Variants in PPCDC observed in about 807,000 individuals in gnomAD.
PPCDC encodes phosphopantothenoylcysteine decarboxylase.
In PPCDC, 20 loss-of-function variants were observed where a neutral mutation model predicts 20.7. The observed-to-expected ratio is 0.97, with a 90% confidence interval of 0.68 to 1.41. The LOEUF (loss-of-function observed/expected upper bound fraction) is 1.41. PPCDC is among the 40% of genes most tolerant of loss of function. The pLI, the probability that PPCDC is intolerant of heterozygous loss-of-function variation, is 0.00. For synonymous variants in PPCDC, 88 were observed against 100.3 expected (o/e 0.88, Z 0.73); for missense variants, 246 against 263.8 (o/e 0.93, Z 0.47).
chr15:75,043,876 C>A (rs967293582), intron 3 of PPCDC: 6 of 347,028 alleles, frequency 1.7e-5, no homozygotes, highest in Non-Finnish European at 3.2e-5. Context: ...GAACGCCTCA[C>A]TTCCCACGGC....
At chr15:75,030,339 G>C (rs144226354) in intron 2 of PPCDC, among the ~76,000 whole-genome samples, 1 of 152,222 alleles carries the variant, frequency 6.6e-6, no homozygotes, top group East Asian at 1.9e-4. Context: ...ACTCGGTTGT[G>C]TGTGTTTCCT....
chr15:75,041,011 C>T (rs1223156963), intron 2 of PPCDC, among the ~76,000 whole-genome samples: 1 of 152,154 alleles, frequency 6.6e-6, no homozygotes, highest in Non-Finnish European at 1.5e-5. Flanking sequence ...TTCTTTTTCT[C>T]CTTTCGTATC....
intron 2 of PPCDC, among the ~76,000 whole-genome samples, chr15:75,042,811 G>A (rs1044915815): frequency 1.8e-4 from 28 of 152,190 alleles, no homozygotes; most frequent in Admixed American, 1.7e-3. Context: ...AATGGGTAGT[G>A]TACACCAGGT....
At chr15:75,046,536 G>A (rs1041963236) in intron 4 of PPCDC, among the ~76,000 whole-genome samples, 1 of 152,254 alleles carries the variant, frequency 6.6e-6, no homozygotes, top group African/African-American at 2.4e-5. Flanking sequence ...CTCCAGAGTT[G>A]GCTGGGAAGT....
Position 75,049,143 on chromosome 15 carries a change from C to T in PPCDC, c.530-7C>T, listed in dbSNP as rs755046322. 2 of 1,613,826 alleles carry T rather than the reference C, an allele frequency of 1.2e-6. No individual in the cohort carries two copies. Among genetic ancestry groups the T allele is most frequent in the South Asian group, 2.2e-5 (2 of 91,074 alleles). ...CCTGTCTGGCCACAGCGGAATTTTG[C>T]TCCCAGGTCTCGGGGCCATGGCTGA... On this transcript the variant is annotated splice_region_variant and splice_polypyrimidine_tract_variant and intron_variant, in intron 5 of 5. Transcript: ENST00000342932.
chr15:75,045,406 C>T (rs1307182625), intron 4 of PPCDC, among the ~76,000 whole-genome samples: 2 of 152,224 alleles, frequency 1.3e-5, no homozygotes, highest in Non-Finnish European at 1.5e-5. Flanking sequence ...TCTATGGAGT[C>T]ACCACCTTGC....
chr15:75,044,397 C>T lies in PPCDC; in HGVS notation c.243C>T (p.Ser81=). 1.2e-6 allele frequency: 2 copies of T among 1,613,964 alleles called. No individual in the cohort carries two copies. Among genetic ancestry groups the T allele is most frequent in the Non-Finnish European group, 1.7e-6 (2 of 1,179,934 alleles). The change falls in exon 4 of 6, where the codon AGC becomes AGT. Residue 81 remains serine, a synonymous_variant. Transcript: ENST00000342932. ...SDADEWEIWK[S]RSDPVLHIDL... ...CTTCCCTCTGCCAGATATGGAAGAGCCGCTCTGACCCAGTTCTGCACATTG... is the reference window on the plus strand; with the variant it reads ...CTTCCCTCTGCCAGATATGGAAGAGTCGCTCTGACCCAGTTCTGCACATTG...
intron 2 of PPCDC, among the ~76,000 whole-genome samples, chr15:75,033,590 TG>T (rs2066050922): frequency 6.6e-6 from 1 of 152,080 alleles, no homozygotes; most frequent in Non-Finnish European, 1.5e-5. Flanking sequence ...TTGATAAGTT[TG>T]TGCTTTTTTT....
Position 75,049,113 on chromosome 15 carries a change from G to A in PPCDC, c.530-37G>A, listed in dbSNP as rs138736421. On this transcript the variant is annotated intron_variant, in intron 5 of 5. Transcript: ENST00000342932. ...AGGGGTCTGCAGGGCTACAGGCACT[G>A]TTGGCCTGTCTGGCCACAGCGGAAT... 4.3e-4 allele frequency: 675 copies of A among 1,569,792 alleles called. 6 individuals carry two copies. The East Asian group carries it at 0.013, about 29-fold the overall frequency.
intron 2 of PPCDC, among the ~76,000 whole-genome samples, chr15:75,036,313 T>A (rs2141485144): frequency 6.6e-6 from 1 of 152,334 alleles, no homozygotes; most frequent in African/African-American, 2.4e-5. Flanking sequence ...CAGGACCTTT[T>A]GGTGGAGTGA....
intron 1 of PPCDC, among the ~76,000 whole-genome samples, chr15:75,024,979 A>G (rs1038715722): frequency 1.3e-5 from 2 of 151,770 alleles, no homozygotes; most frequent in Non-Finnish European, 2.9e-5. Flanking sequence ...GCTGGAGTGC[A>G]GTGGCACAAA....
At chr15:75,042,615 T>C (rs909028436) in intron 2 of PPCDC, among the ~76,000 whole-genome samples, 2 of 142,130 alleles carry the variant, frequency 1.4e-5, no homozygotes, top group African/African-American at 2.7e-5. Flanking sequence ...ATCATACCAC[T>C]GCACTCCAGC....
chr15:75,028,510 CGG>C, intron 2 of PPCDC, 57 bp downstream of exon 2: 1 of 1,604,060 alleles, frequency 6.2e-7, no homozygotes, highest in African/African-American at 1.3e-5. Flanking sequence ...CCGGTGCTCC[CGG>C]GGATGGCCCA....
At chr15:75,038,839 C>A (rs2066116069) in intron 2 of PPCDC, among the ~76,000 whole-genome samples, 1 of 151,926 alleles carries the variant, frequency 6.6e-6, no homozygotes, top group East Asian at 1.9e-4. Flanking sequence ...ATTTTCTCAT[C>A]TTTTTTCTAC....
intron 2 of PPCDC, among the ~76,000 whole-genome samples, chr15:75,039,859 AC>A (rs2066132279): frequency 6.7e-6 from 1 of 149,348 alleles, no homozygotes; most frequent in Admixed American, 6.7e-5. Context: ...ATCTCAGCTC[AC>A]TGCAACCTCC....
intron 2 of PPCDC, among the ~76,000 whole-genome samples, chr15:75,040,355 G>A (rs1333877516): frequency 6.6e-6 from 1 of 152,214 alleles, no homozygotes; most frequent in Non-Finnish European, 1.5e-5. Flanking sequence ...TGGGATTACA[G>A]GCGTGAGCCA....
At chr15:75,025,122 C>T (rs1304483938) in intron 1 of PPCDC, among the ~76,000 whole-genome samples, 1 of 152,144 alleles carries the variant, frequency 6.6e-6, no homozygotes, top group Non-Finnish European at 1.5e-5. Context: ...CTATGTTACC[C>T]AGGCTGGTCT....
chr15:75,033,507 G>A (rs2066049391), intron 2 of PPCDC, among the ~76,000 whole-genome samples: 1 of 148,778 alleles, frequency 6.7e-6, no homozygotes, highest in African/African-American at 2.4e-5. Flanking sequence ...GTATATTTGT[G>A]TGTGTGTGTT....
intron 1 of PPCDC, among the ~76,000 whole-genome samples, chr15:75,025,297 C>G (rs933746362): frequency 2.6e-5 from 4 of 152,170 alleles, no homozygotes; most frequent in African/African-American, 9.7e-5. Context: ...TACCCACCAC[C>G]CACTTCCCTT....
Sources: gnomAD v4.1 joint callset for allele counts (sites outside exome capture counted in the v4.1 genomes callset) on GRCh38, gnomAD v4.1.1 for gene constraint, MANE v1.5 for transcripts, NCBI Gene and HGNC (gene_info 2026-07-23, HGNC 2026-07-21) for gene names.